Variants in PRR16 observed in about 807,000 individuals in gnomAD.
PRR16 encodes the protein proline rich 16.
PRR16 carries 6 observed loss-of-function variants against 18.2 expected under a neutral mutation model. The ratio of observed to expected loss-of-function variants is 0.33; its 90% confidence interval spans 0.18 to 0.65. The LOEUF (loss-of-function observed/expected upper bound fraction) is 0.65. Among genes scored for constraint, PRR16 ranks in the 30% least tolerant of loss-of-function variants. The pLI is 0.74. For synonymous variants in PRR16, 151 were observed against 147.8 expected (o/e 1.02, Z -0.16); for missense variants, 412 against 376.6 (o/e 1.09, Z -0.78).
At chr5:120,610,636 T>C (rs540112473) in intron 1 of PRR16, among the ~76,000 whole-genome samples, 23 of 152,216 alleles carry the variant, frequency 1.5e-4, no homozygotes, top group Admixed American at 1.0e-3. Context: ...TATTCCTCAT[T>C]TTCTCTTGCC....
chr5:120,531,909 G>A (rs1242816835), intron 1 of PRR16, among the ~76,000 whole-genome samples: 1 of 152,100 alleles, frequency 6.6e-6, no homozygotes, highest in Admixed American at 6.6e-5. Flanking sequence ...TACAAGTGTT[G>A]TTAATTAGCA....
At chr5:120,693,666 C>G in the PRR16 span, among the ~76,000 whole-genome samples, 1 of 151,836 alleles carries the variant, frequency 6.6e-6, no homozygotes, top group South Asian at 2.1e-4. Context: ...TAGGAAATTA[C>G]TATTTACTCA....
chr5:120,706,873 A>G, the PRR16 span, among the ~76,000 whole-genome samples: 1 of 152,330 alleles, frequency 6.6e-6, no homozygotes, highest in Non-Finnish European at 1.5e-5. Context: ...AGGTTGGTCA[A>G]TGTGATTAGG....
At chr5:120,584,029 A>G (rs1753358716) in intron 1 of PRR16, among the ~76,000 whole-genome samples, 2 of 152,234 alleles carry the variant, frequency 1.3e-5, no homozygotes, top group South Asian at 4.1e-4. Flanking sequence ...AGATATGCAA[A>G]TAAGGCCATT....
At chr5:120,547,753 A>T (rs1206031176) in intron 1 of PRR16, among the ~76,000 whole-genome samples, 1 of 152,064 alleles carries the variant, frequency 6.6e-6, no homozygotes, top group African/African-American at 2.4e-5. Context: ...ATACTGTGAG[A>T]CTTGTAAACA....
intron 1 of PRR16, among the ~76,000 whole-genome samples, chr5:120,497,940 G>T (rs1386318105): frequency 2.6e-4 from 40 of 151,534 alleles, no homozygotes; most frequent in Non-Finnish European, 1.5e-5. Context: ...TTATATTGAT[G>T]TGAGTTTTTA....
At chr5:120,508,239 A>G (rs1750708967) in intron 1 of PRR16, among the ~76,000 whole-genome samples, 1 of 152,124 alleles carries the variant, frequency 6.6e-6, no homozygotes, top group African/African-American at 2.4e-5. Context: ...ATGAGGACGA[A>G]AACTATATGC....
At chr5:120,481,092 A>G (rs1749595597) in intron 1 of PRR16, 1 of 1,173,686 alleles carries the variant, frequency 8.5e-7, no homozygotes, top group Non-Finnish European at 1.1e-6. Flanking sequence ...TCCCTTTGAT[A>G]TTTGTGAATT....
chr5:120,600,323 A>G (rs772380292), intron 1 of PRR16, among the ~76,000 whole-genome samples: 2 of 151,792 alleles, frequency 1.3e-5, no homozygotes, highest in Non-Finnish European at 2.9e-5. Context: ...AAGACTTTAA[A>G]CTGATACAAT....
intron 1 of PRR16, among the ~76,000 whole-genome samples, chr5:120,595,805 G>C (rs1269159381): frequency 6.6e-6 from 1 of 151,924 alleles, no homozygotes; most frequent in African/African-American, 2.4e-5. Flanking sequence ...ATACTTTGAA[G>C]AGTTTTGGAT....
chr5:120,512,430 A>G (rs1205372575), intron 1 of PRR16, among the ~76,000 whole-genome samples: 2 of 152,056 alleles, frequency 1.3e-5, no homozygotes, highest in African/African-American at 4.8e-5. Context: ...TTGCTCTGAG[A>G]TGAGGTGACA....
intron 1 of PRR16, among the ~76,000 whole-genome samples, chr5:120,616,353 C>G (rs1257199722): frequency 6.6e-6 from 1 of 152,168 alleles, no homozygotes; most frequent in South Asian, 2.1e-4. Flanking sequence ...CCTCACAGGC[C>G]AAGCTCCAAC....
chr5:120,780,123 C>A, the PRR16 span, among the ~76,000 whole-genome samples: 1 of 152,120 alleles, frequency 6.6e-6, no homozygotes, highest in African/African-American at 2.4e-5. Context: ...CAAAAACTAT[C>A]TTGTACAGAT....
chr5:120,605,886 A>T (rs1477716919), intron 1 of PRR16, among the ~76,000 whole-genome samples: 1 of 152,072 alleles, frequency 6.6e-6, no homozygotes, highest in Non-Finnish European at 1.5e-5. Context: ...TCCTGCACTT[A>T]GTAGGGGGCC....
intron 1 of PRR16, among the ~76,000 whole-genome samples, chr5:120,667,851 T>A (rs1756447596): frequency 6.6e-6 from 1 of 152,192 alleles, no homozygotes; most frequent in Non-Finnish European, 1.5e-5. Context: ...CTTTTACATT[T>A]GCTGAGGAGA....
chr5:120,659,735 A>C (rs541706696), intron 1 of PRR16, among the ~76,000 whole-genome samples: 1 of 151,930 alleles, frequency 6.6e-6, no homozygotes, highest in Non-Finnish European at 1.5e-5. Context: ...TCTTGTATTT[A>C]TACTTGAACG....
intron 1 of PRR16, among the ~76,000 whole-genome samples, chr5:120,588,582 AT>A (rs918754341): frequency 2.6e-5 from 4 of 152,150 alleles, no homozygotes; most frequent in African/African-American, 7.2e-5. Context: ...AGGTATGCAC[AT>A]TTTTTTAGAC....
At chr5:120,753,428 G>T in the PRR16 span, among the ~76,000 whole-genome samples, 22 of 152,076 alleles carry the variant, frequency 1.4e-4, no homozygotes, top group Admixed American at 8.5e-4. Context: ...GTCCCCATTT[G>T]TTGAGACAAG....
At chr5:120,763,840 C>T in the PRR16 span, among the ~76,000 whole-genome samples, 26 of 151,284 alleles carry the variant, frequency 1.7e-4, no homozygotes, top group African/African-American at 5.8e-4. Context: ...GAATTGGGTT[C>T]TTCGTTTCTT....
Sources: allele counts gnomAD v4.1 joint callset (sites outside exome capture counted in the v4.1 genomes callset), GRCh38; gene constraint gnomAD v4.1.1; transcripts MANE v1.5; gene names NCBI Gene and HGNC (gene_info 2026-07-23, HGNC 2026-07-21).